The following GFRA2 variants were observed in gnomAD, a reference collection of about 807,000 sequenced individuals.
GFRA2 encodes GDNF family receptor alpha 2.
In GFRA2, 17 loss-of-function variants were observed where a neutral mutation model predicts 48.3. The ratio of observed to expected loss-of-function variants is 0.35; its 90% confidence interval spans 0.24 to 0.53. The LOEUF (loss-of-function observed/expected upper bound fraction) is 0.53, where lower values mean the gene tolerates loss of function less well. GFRA2 is among the 20% of genes least tolerant of loss of function. The pLI is 0.93. For synonymous variants in GFRA2, 305 were observed against 257.2 expected (o/e 1.19, Z -1.78); for missense variants, 660 against 637.3 (o/e 1.04, Z -0.38).
chr8:21,801,653 G>A (rs1331565682), intron 2 of GFRA2, among the ~76,000 whole-genome samples: 2 of 150,584 alleles, frequency 1.3e-5, no homozygotes, highest in East Asian at 2.0e-4. Flanking sequence ...TTGTGCTCCA[G>A]GCAGAGTGGG....
chr8:21,741,653 C>T (rs28758670), intron 4 of GFRA2, among the ~76,000 whole-genome samples: 51,738 of 152,022 alleles, frequency 0.34, 12,073 homozygotes, highest in African/African-American at 0.67. Context: ...GCCAAGCCCA[C>T]TGGCTCACAC....
chr8:21,731,478 TA>T (rs1804190541), intron 4 of GFRA2, among the ~76,000 whole-genome samples: 1 of 152,002 alleles, frequency 6.6e-6, no homozygotes, highest in South Asian at 2.1e-4. Context: ...CATCTTAAAA[TA>T]TTTTTTTTTT....
intron 4 of GFRA2, among the ~76,000 whole-genome samples, chr8:21,720,069 G>C (rs1803520611): frequency 6.6e-6 from 1 of 152,168 alleles, no homozygotes; most frequent in Non-Finnish European, 1.5e-5. Flanking sequence ...CACAGAATGT[G>C]TTTCTCAGCC....
intron 4 of GFRA2, among the ~76,000 whole-genome samples, chr8:21,728,541 C>T (rs990413280): frequency 6.6e-6 from 1 of 152,082 alleles, no homozygotes; most frequent in African/African-American, 2.4e-5. Flanking sequence ...TCCCAAACTG[C>T]TGCGAGTATA....
intron 3 of GFRA2, among the ~76,000 whole-genome samples, chr8:21,762,218 G>C (rs1027349560): frequency 6.6e-6 from 1 of 152,066 alleles, no homozygotes; most frequent in Non-Finnish European, 1.5e-5. Flanking sequence ...TCACCACCAG[G>C]AGTGGGGGCC....
chr8:21,718,512 A>G (rs1803441855), intron 4 of GFRA2, among the ~76,000 whole-genome samples: 1 of 152,212 alleles, frequency 6.6e-6, no homozygotes, highest in East Asian at 1.9e-4. Flanking sequence ...CAGTGCCTGC[A>G]ACACAGTGGG....
At chr8:21,799,374 C>T (rs1193534385) in intron 2 of GFRA2, among the ~76,000 whole-genome samples, 1 of 152,148 alleles carries the variant, frequency 6.6e-6, no homozygotes, top group African/African-American at 2.4e-5. Context: ...CCCGCCACCA[C>T]ACCCAGCTAA....
chr8:21,701,155 G>A (rs1802454595), intron 7 of GFRA2, among the ~76,000 whole-genome samples: 1 of 152,260 alleles, frequency 6.6e-6, no homozygotes, highest in Non-Finnish European at 1.5e-5. Context: ...AGTACTTTGG[G>A]AGGCCGAGGC....
chr8:21,780,147 G>C (rs1806908530), intron 2 of GFRA2, among the ~76,000 whole-genome samples: 1 of 150,298 alleles, frequency 6.7e-6, no homozygotes, highest in Admixed American at 6.6e-5. Flanking sequence ...CAATCCCCCT[G>C]TTCCTGTCTG....
chr8:21,772,553 T>G (rs1393761087), intron 3 of GFRA2, among the ~76,000 whole-genome samples: 4 of 152,218 alleles, frequency 2.6e-5, no homozygotes, highest in African/African-American at 9.6e-5. Flanking sequence ...AGCTGCCTAC[T>G]CACCTAACCC....
At chr8:21,704,582 T>G (rs1442215005) in intron 6 of GFRA2, among the ~76,000 whole-genome samples, 1 of 152,126 alleles carries the variant, frequency 6.6e-6, no homozygotes, top group Non-Finnish European at 1.5e-5. Flanking sequence ...GTGGCTAACC[T>G]CTCTCTGGCT....
chr8:21,754,342 T>G (rs188134743), intron 3 of GFRA2, among the ~76,000 whole-genome samples: 1 of 152,102 alleles, frequency 6.6e-6, no homozygotes, highest in Non-Finnish European at 1.5e-5. Context: ...GCTCAAAAAA[T>G]GTTGACTAAT....
chr8:21,727,065 TCAAA>T (rs1803906573), intron 4 of GFRA2, among the ~76,000 whole-genome samples: 1 of 152,160 alleles, frequency 6.6e-6, no homozygotes, highest in African/African-American at 2.4e-5. Flanking sequence ...TTCCCTATTT[TCAAA>T]CAAAGGCCAC....
Position 21,741,865 on chromosome 8 carries a change from T to C in GFRA2, c.794+8723A>G, listed in dbSNP as rs866723891. Among the ~76,000 whole-genome samples, 6 of 147,920 alleles carry C rather than the reference T, an allele frequency of 4.1e-5. No individual in the cohort carries two copies. The South Asian group carries it at 8.5e-4, about 21-fold the overall frequency. On this transcript the variant is annotated intron_variant, in intron 4 of 8. Transcript: ENST00000524240. ...TGAACCAAGGAGGCAGAAGTTACAG[T>C]GAGCCAAGATCATGCCACTGCACCC...
intron 3 of GFRA2, among the ~76,000 whole-genome samples, chr8:21,771,311 A>G (rs1309816563): frequency 6.6e-6 from 1 of 152,224 alleles, no homozygotes; most frequent in Non-Finnish European, 1.5e-5. Context: ...TTTCAAGGGC[A>G]GTTTGAATTG....
chr8:21,794,499 C>T (rs1807634490), intron 2 of GFRA2, among the ~76,000 whole-genome samples: 1 of 152,186 alleles, frequency 6.6e-6, no homozygotes, highest in Non-Finnish European at 1.5e-5. Flanking sequence ...GATCCACCCG[C>T]CTTGGCCTCC....
At chr8:21,704,817 T>G (rs1802657056) in intron 6 of GFRA2, among the ~76,000 whole-genome samples, 168 bp downstream of exon 6, 1 of 152,036 alleles carries the variant, frequency 6.6e-6, no homozygotes, top group Non-Finnish European at 1.5e-5. Context: ...AGCTCTGGTG[T>G]GAATCTCCAA....
At chr8:21,799,445 G>A (rs1053855181) in intron 2 of GFRA2, among the ~76,000 whole-genome samples, 3 of 151,918 alleles carry the variant, frequency 2.0e-5, no homozygotes, top group East Asian at 3.9e-4. Flanking sequence ...CTCGATCTCC[G>A]TTGGCCTACC....
At chr8:21,765,910 T>C (rs36193177) in intron 3 of GFRA2, among the ~76,000 whole-genome samples, 38,484 of 152,036 alleles carry the variant, frequency 0.25, 5,586 homozygotes, top group African/African-American at 0.39. Flanking sequence ...TCCCAGCCCA[T>C]GCATCCTCTC....
Sources: allele counts gnomAD v4.1 joint callset (sites outside exome capture counted in the v4.1 genomes callset), GRCh38; gene constraint gnomAD v4.1.1; transcripts MANE v1.5; gene names NCBI Gene and HGNC (gene_info 2026-07-23, HGNC 2026-07-21).